Variants in SEMA6B observed in about 807,000 individuals in gnomAD.
SEMA6B encodes semaphorin-6B.
SEMA6B carries 47 observed loss-of-function variants against 78.6 expected under a neutral mutation model. The ratio of observed to expected loss-of-function variants is 0.60; its 90% CI spans 0.47 to 0.76. SEMA6B has a LOEUF of 0.76. Among genes scored for constraint, SEMA6B ranks in the 30% least tolerant of loss-of-function variants. The probability of loss-of-function intolerance (pLI) is 0.00; values close to 1 mark genes in which losing one functional copy is unlikely to be tolerated. For missense variants in SEMA6B, 1,213 were observed against 1,269.9 expected, an observed-to-expected ratio of 0.96 and a Z score of 0.68; for synonymous variants, 632 against 592.2, an observed-to-expected ratio of 1.07 and a Z score of -0.98.
rs1394912851 is a variant in SEMA6B at position 4,555,404 on chromosome 19, G to T, written c.562+70C>A. On this transcript the variant is annotated intron_variant, in intron 7 of 16. Coordinates refer to ENST00000586582, the MANE Select transcript of SEMA6B (RefSeq NM_032108.4). This position sits in a 1 kb window ranked among gnomAD's most constrained non-coding sequence, Gnocchi z 6.1. The stretch of plus-strand genomic sequence containing the variant: ...CAGCTGCCTTCTAAACAACCCAGAC[G>T]CTGGAGTAGAAAATGCCAGGTCTTG... The T allele has an allele frequency of 1.5e-5, 20 of 1,366,348 alleles. No homozygotes were observed. Among genetic ancestry groups the T allele is most frequent in the Non-Finnish European group, 1.8e-5 (18 of 980,430 alleles). The allele number at this position is 1,366,348 out of a possible 1,614,324, so 84.6% of individuals were successfully genotyped here.
At chr19:4,545,035 T>C (rs1029874962) in intron 16 of SEMA6B, among the ~76,000 whole-genome samples, 1 of 151,966 alleles carries the variant, frequency 6.6e-6, no homozygotes, top group Non-Finnish European at 1.5e-5. Flanking sequence ...TCCAGCTACC[T>C]GTTTGTTTTA....
chr19:4,551,464 C>A (rs1306852747), intron 10 of SEMA6B, among the ~76,000 whole-genome samples: 1 of 151,804 alleles, frequency 6.6e-6, no homozygotes, highest in Admixed American at 6.6e-5. Context: ...AAGTGATCTG[C>A]CCTCCTCAGC....
chr19:4,544,227 G>T lies in SEMA6B; in HGVS notation c.2041C>A (p.Leu681Met), dbSNP rs763869846. 3.9e-6 allele frequency: 5 copies of T among 1,274,324 alleles called. No homozygotes were observed. In the East Asian group the frequency reaches 1.3e-4, roughly 34 times the overall value. The allele number at this position is 1,274,324 out of a possible 1,614,324, so 78.9% of individuals were successfully genotyped here. A position where few individuals can be genotyped will look rare whatever the true frequency, so the allele number is the denominator to read the frequency against. Reference sequence around the variant, plus strand: ...CAGCCGTTCTGCATCAGGGGCGCCAGCAGGGCCTCCGGGGGAACCCCGGCG... The same window carrying T: ...CAGCCGTTCTGCATCAGGGGCGCCATCAGGGCCTCCGGGGGAACCCCGGCG... ...GGAGVPPEALLAPLMQNGWAK... is the reference protein window; with the variant it reads ...GGAGVPPEALMAPLMQNGWAK... The change falls in exon 17 of 17, where the codon CTG becomes ATG. Residue 681 changes from leucine (L) to methionine (M), a missense_variant. Coordinates refer to ENST00000586582, the MANE Select transcript of SEMA6B (RefSeq NM_032108.4). This position sits in a 1 kb window ranked among gnomAD's most constrained non-coding sequence, Gnocchi z 5.1.
chr19:4,546,291 G>T lies in SEMA6B; in HGVS notation c.1680-17C>A, dbSNP rs200595573. 6.2e-7 allele frequency: 1 copy of T among 1,612,558 alleles called. No homozygotes were observed. Among genetic ancestry groups the T allele is most frequent in the Admixed American group, 1.7e-5 (1 of 59,878 alleles). On this transcript the variant is annotated splice_polypyrimidine_tract_variant and intron_variant, in intron 15 of 16. Transcript: ENST00000586582. ...AAGGCGGCTCTAATGGGGAGAGGAG[G>T]CACCGTCAGCAGAGGCCCCTCTCAC...
At position 4,544,173 on chromosome 19, in the gene SEMA6B, G is replaced by A; in HGVS notation, c.2095C>T (p.Pro699Ser). Residue 699 changes from proline (P) to serine (S), a missense_variant, in exon 17 of 17, where the codon CCC becomes TCC. Physicochemically the swap from Pro to Ser is moderately conservative, Grantham distance 74. Coordinates refer to ENST00000586582, the MANE Select transcript of SEMA6B (RefSeq NM_032108.4). The surrounding 1 kb of genome is among the most constrained non-coding windows in gnomAD (Gnocchi z 5.1). ...AGCAGCCCCGAGTCCAGGTCGTGGG[G>A]CCCGCCCTGCAGCAGCGTGGCCTTG... The part of the protein sequence containing the change: ...WAKATLLQGG[P>S]HDLDSGLLPT... 7.9e-7 allele frequency: 1 copy of A among 1,268,952 alleles called. No homozygotes were observed. The highest frequency in any genetic ancestry group is 2.7e-5 in the South Asian group (1 of 37,378). The allele number at this position is 1,268,952 out of a possible 1,614,324, so 78.6% of individuals were successfully genotyped here. A position where few individuals can be genotyped will look rare whatever the true frequency, so the allele number is the denominator to read the frequency against.
intron 14 of SEMA6B, 89 bp from the exon 15 acceptor site, chr19:4,546,558 G>T: frequency 1.6e-6 from 1 of 617,070 alleles, no homozygotes; most frequent in Non-Finnish European, 2.5e-6. Flanking sequence ...CCTGTTCCAA[G>T]CACCTGCCTC....
intron 16 of SEMA6B, among the ~76,000 whole-genome samples, chr19:4,545,264 C>T (rs1166981745): frequency 2.0e-5 from 3 of 150,912 alleles, no homozygotes; most frequent in African/African-American, 7.3e-5. Context: ...TCAATTGAAC[C>T]CGGGAGGTGG....
At position 4,559,666 on chromosome 19, in the gene SEMA6B, C is replaced by T. The variant is rs1413739405; in HGVS notation, c.-169G>A. 6.6e-6 allele frequency: 1 copy of T among 152,232 alleles called. No individual in the cohort carries two copies. Among genetic ancestry groups the T allele is most frequent in the East Asian group, 1.9e-4 (1 of 5,190 alleles). 9.4% of individuals were successfully genotyped at this position (152,232 alleles called of 1,614,324 possible). On this transcript the variant is annotated 5_prime_UTR_variant, in exon 1 of 17. Transcript: ENST00000586582. ...GGGTATCCCCCAGCCCTGCCCTGGC[C>T]TTCTGGCTCAGGGATTCTGAGCCCC...
In SEMA6B at chr19:4,555,391, A is replaced by G. The variant is rs568739697; in HGVS notation, c.562+83T>C. ...ACAAGTGGTCGTCCAGCTGCCTTCT[A>G]AACAACCCAGACGCTGGAGTAGAAA... On this transcript the variant is annotated intron_variant, in intron 7 of 16. Transcript: ENST00000586582. The surrounding 1 kb of genome is among the most constrained non-coding windows in gnomAD (Gnocchi z 6.1). The G allele has an allele frequency of 2.3e-4, 294 of 1,285,252 alleles. 3 individuals are homozygous for G. Among genetic ancestry groups the G allele is most frequent in the South Asian group, 2.2e-3 (167 of 74,436 alleles). 79.6% of individuals were successfully genotyped at this position (1,285,252 alleles called of 1,614,324 possible).
At chr19:4,557,261 C>A in intron 3 of SEMA6B, 38 bp from the exon 4 acceptor site, 1 of 1,503,254 alleles carries the variant, frequency 6.7e-7, no homozygotes, top group East Asian at 2.3e-5. Flanking sequence ...CTGGGGGCTC[C>A]GCCACCCTCT....
Position 4,544,297 on chromosome 19 carries a change from G to C in SEMA6B, c.1971C>G (p.Arg657=). ...AVLSVSRLGE[R]RAQGPGGRGG... is the part of the protein sequence containing the mutation. ...CCCGGCCCCCGGGACCCTGCGCCCT[G>C]CGCTCGCCCAGGCGGCTGACGCTCA... Residue 657 remains arginine (R), a synonymous_variant, in exon 17 of 17, where the codon CGC becomes CGG. Transcript: ENST00000586582. This position sits in a 1 kb window ranked among gnomAD's most constrained non-coding sequence, Gnocchi z 5.1. The C allele has an allele frequency of 1.4e-6, 2 of 1,462,820 alleles. No individual in the cohort carries two copies. Among genetic ancestry groups the C allele is most frequent in the East Asian group, 5.9e-5 (2 of 33,886 alleles). 90.6% of individuals were successfully genotyped at this position (1,462,820 alleles called of 1,614,324 possible). A position where few individuals can be genotyped will look rare whatever the true frequency, so the allele number is the denominator to read the frequency against.
rs367983351 is a variant in SEMA6B at position 4,556,916 on chromosome 19, T to C, written c.369+35A>G. The C allele has an allele frequency of 4.4e-6, 7 of 1,597,062 alleles. No homozygotes were observed. In the African/African-American group the frequency reaches 8.1e-5, roughly 18 times the overall value. On this transcript the variant is annotated intron_variant, in intron 5 of 16. Coordinates refer to ENST00000586582, the MANE Select transcript of SEMA6B (RefSeq NM_032108.4). ...GGGCATGGGTAATGCCAGGGCTGAT[T>C]CGCAGGGGCCGGGACCGAGCCAGGG...
In SEMA6B at chr19:4,559,192, C is replaced by CA. The variant is rs11295195; in HGVS notation, c.-33+337dup. Among the ~76,000 whole-genome samples, 128 of 107,630 alleles carry CA rather than the reference C, an allele frequency of 1.2e-3. 2 individuals are homozygous for CA. The highest frequency in any genetic ancestry group is 2.2e-3 in the East Asian group (8 of 3,592). 70.6% of individuals were successfully genotyped at this position (107,630 alleles called of 152,430 possible). On this transcript the variant is annotated intron_variant, in intron 1 of 16. Transcript: ENST00000586582. ...CTGGGCAACAGAGCAAGACTCCATC[C>CA]AAAAAAAAAAAAAAAAAGCCACAAG...
chr19:4,557,069 C>A (rs917407751), intron 4 of SEMA6B, 56 bp from the exon 5 acceptor site: 121 of 1,597,094 alleles, frequency 7.6e-5, no homozygotes, highest in Non-Finnish European at 9.8e-5. Context: ...CCTGAGTGAC[C>A]CCGCCGTGCT....
rs1568252057 is a variant in SEMA6B, at chr19:4,544,585, C to T, written c.1739-56G>A. ...GCCGGCGGGGTGGCCCTGGGCATCC[C>T]TCCTACCTCCTCGGGGCCCTCTGTC... is the stretch of plus-strand genomic sequence containing the variant. On this transcript the variant is annotated intron_variant, in intron 16 of 16. Transcript: ENST00000586582. This position sits in a 1 kb window ranked among gnomAD's most constrained non-coding sequence, Gnocchi z 5.1. The T allele has an allele frequency of 1.8e-6, 2 of 1,118,032 alleles. No homozygotes were observed. The highest frequency in any genetic ancestry group is 3.2e-5 in the East Asian group (1 of 31,576). 69.3% of individuals were successfully genotyped at this position (1,118,032 alleles called of 1,614,324 possible). A position where few individuals can be genotyped will look rare whatever the true frequency, so the allele number is the denominator to read the frequency against.
At chr19:4,545,782 C>G (rs894311603) in intron 16 of SEMA6B, 2 of 153,504 alleles carry the variant, frequency 1.3e-5, no homozygotes, top group African/African-American at 4.9e-5. Flanking sequence ...CCTTTCTTTT[C>G]TTTTTTTGAG....
Position 4,550,007 on chromosome 19 carries a change from C to T in SEMA6B, c.1271+116G>A. 1.0e-6 allele frequency: 1 copy of T among 959,186 alleles called. No homozygotes were observed. Among genetic ancestry groups the T allele is most frequent in the Non-Finnish European group, 1.6e-6 (1 of 642,418 alleles). 59.4% of individuals were successfully genotyped at this position (959,186 alleles called of 1,614,324 possible). ...CCTCTCTGTCTCTCTGTGTCTCCAGCTCTCTGGGCAGCGCCGGAAGCCATG... is the reference window on the plus strand; with the variant it reads ...CCTCTCTGTCTCTCTGTGTCTCCAGTTCTCTGGGCAGCGCCGGAAGCCATG... On this transcript the variant is annotated intron_variant, in intron 12 of 16. Transcript: ENST00000586582. This position sits in a 1 kb window ranked among gnomAD's most constrained non-coding sequence, Gnocchi z 6.6.
rs979295289 is a variant in SEMA6B, at chr19:4,543,517, TG to T, written c.*83del. 1,342 of 676,202 alleles carry T rather than the reference TG, an allele frequency of 2.0e-3. 4 individuals are homozygous for T. Among genetic ancestry groups the T allele is most frequent in the Non-Finnish European group, 2.1e-3 (1,019 of 481,260 alleles). The allele number at this position is 676,202 out of a possible 1,614,324, so 41.9% of individuals were successfully genotyped here. Reference sequence around the variant, plus strand: ...GGGGACTTGAGCACCCACTCGGAGTTGCCCCGGGCCCCGGCGTTCTGGCACC... The same window carrying T: ...GGGGACTTGAGCACCCACTCGGAGTTCCCCGGGCCCCGGCGTTCTGGCACC... On this transcript the variant is annotated 3_prime_UTR_variant, in exon 17 of 17. Transcript: ENST00000586582.
At chr19:4,559,068 G>A (rs1041912210) in intron 1 of SEMA6B, among the ~76,000 whole-genome samples, 10 of 151,906 alleles carry the variant, frequency 6.6e-5, no homozygotes, top group Non-Finnish European at 1.3e-4. Flanking sequence ...GGTGGCCTGT[G>A]CCCGTAATCC....
Sources: gnomAD v4.1 joint callset for allele counts (sites outside exome capture counted in the v4.1 genomes callset) on GRCh38, gnomAD v4.1.1 for gene constraint, Gnocchi (gnomAD v3.1) non-coding constraint, MANE v1.5 for transcripts, NCBI Gene and HGNC (gene_info 2026-07-23, HGNC 2026-07-21) for gene names.